Variants in TMPRSS12 observed in about 807,000 individuals in gnomAD.
The protein encoded by TMPRSS12 is transmembrane protease serine 12.
Under a neutral mutation model 26.0 loss-of-function variants are expected in TMPRSS12, and 25 were observed. The ratio of observed to expected loss-of-function variants is 0.96; its 90% CI spans 0.70 to 1.34. TMPRSS12 has a LOEUF of 1.34. Ranked by LOEUF, TMPRSS12 falls within the 40% of genes most tolerant of loss-of-function variation. The probability of loss-of-function intolerance (pLI) is 0.00; values close to 1 mark genes in which losing one functional copy is unlikely to be tolerated. For missense variants in TMPRSS12, 441 were observed against 440.1 expected, an observed-to-expected ratio of 1.00 and a Z score of -0.02; for synonymous variants, 150 against 161.7, an observed-to-expected ratio of 0.93 and a Z score of 0.55.
intron 1 of TMPRSS12, 91 bp downstream of exon 1, chr12:50,843,242 G>A: frequency 7.2e-7 from 1 of 1,382,258 alleles, no homozygotes; most frequent in Non-Finnish European, 9.5e-7. Flanking sequence ...CTTTTCTGTT[G>A]TCCCAATGGC....
intron 3 of TMPRSS12, among the ~76,000 whole-genome samples, chr12:50,878,583 A>C (rs1938134806): frequency 6.6e-6 from 1 of 152,170 alleles, no homozygotes; most frequent in Admixed American, 6.5e-5. Context: ...TCTCTAAAAA[A>C]ATTAATTTAA....
rs1200073097 is a variant in TMPRSS12, at chr12:50,858,798, T to C, written c.397T>C (p.Trp133Arg). The change falls in exon 3 of 5, where the codon TGG becomes CGG. Residue 133 changes from tryptophan (W) to arginine (R), a missense_variant. Coordinates refer to ENST00000398458, the MANE Select transcript of TMPRSS12 (RefSeq NM_182559.3). ...CTKDASDPLM[W>R]TAVIGTNNIH... ...ACTTTCTTTCAGCGATCCTTTAATG[T>C]GGACAGCTGTGATTGGAACTAATAA... is the stretch of plus-strand genomic sequence containing the variant. The C allele has an allele frequency of 1.3e-6, 2 of 1,564,274 alleles. No homozygotes were observed. Among genetic ancestry groups the C allele is most frequent in the Non-Finnish European group, 8.6e-7 (1 of 1,160,940 alleles).
At chr12:50,878,554 G>T (rs1938134615) in intron 3 of TMPRSS12, among the ~76,000 whole-genome samples, 1 of 152,046 alleles carries the variant, frequency 6.6e-6, no homozygotes, top group Non-Finnish European at 1.5e-5. Context: ...CTTCAGTCTT[G>T]GGTAACACAA....
intron 2 of TMPRSS12, among the ~76,000 whole-genome samples, chr12:50,849,990 G>T (rs983828817): frequency 6.6e-6 from 1 of 151,348 alleles, no homozygotes; most frequent in Non-Finnish European, 1.5e-5. Flanking sequence ...CCATATAAAT[G>T]GAATCATATG....
intron 3 of TMPRSS12, among the ~76,000 whole-genome samples, chr12:50,864,560 C>A (rs1042703160): frequency 2.0e-5 from 3 of 151,976 alleles, no homozygotes; most frequent in Non-Finnish European, 2.9e-5. Context: ...CTCCCAAGGA[C>A]TTCAGATATT....
At chr12:50,872,294 A>C (rs1485602510) in intron 3 of TMPRSS12, among the ~76,000 whole-genome samples, 4 of 151,080 alleles carry the variant, frequency 2.6e-5, no homozygotes, top group Non-Finnish European at 5.9e-5. Context: ...CGGGTGGATC[A>C]TGAGGTCAGG....
chr12:50,858,586 G>A (rs1023598606), intron 2 of TMPRSS12, among the ~76,000 whole-genome samples, 199 bp from the exon 3 acceptor site: 2 of 152,074 alleles, frequency 1.3e-5, no homozygotes, highest in Non-Finnish European at 2.9e-5. Context: ...ACTTGAATCA[G>A]TTTCTGGATT....
At chr12:50,854,135 T>C (rs1937854014) in intron 2 of TMPRSS12, among the ~76,000 whole-genome samples, 1 of 152,154 alleles carries the variant, frequency 6.6e-6, no homozygotes, top group Non-Finnish European at 1.5e-5. Flanking sequence ...CATGATCAAG[T>C]AGGCTTTATT....
intron 4 of TMPRSS12, 81 bp downstream of exon 4, chr12:50,885,469 G>A (rs1425427192): frequency 6.6e-7 from 1 of 1,514,556 alleles, no homozygotes; most frequent in Admixed American, 1.7e-5. Flanking sequence ...ATAACTTTCT[G>A]GTGGTCTTAA....
chr12:50,864,992 G>T (rs1937977677), intron 3 of TMPRSS12, among the ~76,000 whole-genome samples: 1 of 152,156 alleles, frequency 6.6e-6, no homozygotes, highest in Non-Finnish European at 1.5e-5. Context: ...GAAGGACTAG[G>T]CACTAGAATC....
chr12:50,872,952 CG>C (rs1414478812), intron 3 of TMPRSS12, among the ~76,000 whole-genome samples: 7 of 145,444 alleles, frequency 4.8e-5, no homozygotes, highest in South Asian at 2.2e-4. Context: ...ATATATATGA[CG>C]TATATATATG....
intron 3 of TMPRSS12, among the ~76,000 whole-genome samples, chr12:50,862,932 C>T (rs1257032537): frequency 6.6e-6 from 1 of 151,926 alleles, no homozygotes; most frequent in Admixed American, 6.6e-5. Context: ...CTGGATTACA[C>T]GTGTAATCCT....
chr12:50,878,211 A>C (rs1351080400), intron 3 of TMPRSS12, among the ~76,000 whole-genome samples: 2 of 151,962 alleles, frequency 1.3e-5, no homozygotes, highest in Non-Finnish European at 2.9e-5. Context: ...AAAAAAAAAA[A>C]AAAACTGAAG....
intron 4 of TMPRSS12, chr12:50,885,920 G>C (rs1287447936): frequency 6.2e-6 from 1 of 160,200 alleles, no homozygotes; most frequent in African/African-American, 2.4e-5. Context: ...TGCCCACCTT[G>C]GCCTCCCAAA....
intron 2 of TMPRSS12, among the ~76,000 whole-genome samples, chr12:50,850,638 G>T (rs1235997223): frequency 6.6e-6 from 1 of 152,078 alleles, no homozygotes; most frequent in African/African-American, 2.4e-5. Flanking sequence ...CCATGCCTGT[G>T]CCCCACCACT....
intron 3 of TMPRSS12, among the ~76,000 whole-genome samples, chr12:50,872,080 C>A (rs1437744514): frequency 6.6e-6 from 1 of 152,180 alleles, no homozygotes; most frequent in African/African-American, 2.4e-5. Flanking sequence ...ATCCAGCAAT[C>A]CCACTACTGG....
At chr12:50,854,564 A>G (rs1937858231) in intron 2 of TMPRSS12, among the ~76,000 whole-genome samples, 1 of 152,164 alleles carries the variant, frequency 6.6e-6, no homozygotes, top group Non-Finnish European at 1.5e-5. Flanking sequence ...AAAACCCTAT[A>G]GTCTCTGGCC....
chr12:50,843,146 C>A lies in TMPRSS12; in HGVS notation c.182C>A (p.Ala61Glu), dbSNP rs767996351. ...LRRRREGGAH[A>E]EDCGTAPLKD... ...CGGCGGAGGGAGGGAGGGGCGCATG[C>A]AGAGGGCAGTACCTGTTCGTGCCTG... is the stretch of plus-strand genomic sequence containing the variant. The change falls in exon 1 of 5, where the codon GCA becomes GAA. Residue 61 changes from alanine to glutamate, a missense_variant. By Grantham distance (107) the Ala-to-Glu change is moderately radical (BLOSUM62 -1). Coordinates refer to ENST00000398458, the MANE Select transcript of TMPRSS12 (RefSeq NM_182559.3). 1 of 1,563,478 alleles carries A rather than the reference C, an allele frequency of 6.4e-7. No individual in the cohort carries two copies. Among genetic ancestry groups the A allele is most frequent in the Non-Finnish European group, 8.7e-7 (1 of 1,153,306 alleles).
chr12:50,879,960 G>A (rs1285562183), intron 3 of TMPRSS12, among the ~76,000 whole-genome samples: 2 of 152,084 alleles, frequency 1.3e-5, no homozygotes, highest in Non-Finnish European at 2.9e-5. Context: ...AACAAAGCAA[G>A]AGCCTGTCAC....
Sources: allele counts gnomAD v4.1 joint callset (sites outside exome capture counted in the v4.1 genomes callset), GRCh38; gene constraint gnomAD v4.1.1; transcripts MANE v1.5; gene names NCBI Gene and HGNC (gene_info 2026-07-23, HGNC 2026-07-21).